The following KIF17 variants were observed in gnomAD, a reference collection of about 807,000 sequenced individuals.
KIF17 encodes the protein kinesin-like protein KIF17.
Under a neutral mutation model 96.8 loss-of-function variants are expected in KIF17, and 80 were observed. The observed-to-expected ratio is 0.83, with a 90% CI of 0.69 to 1.00. The LOEUF is 1.00. Ranked by LOEUF, KIF17 falls within the 50% of genes least tolerant of loss-of-function variation. The pLI is 0.00. For missense variants in KIF17, 1,280 were observed against 1,372.9 expected, an observed-to-expected ratio of 0.93 and a Z score of 1.07; for synonymous variants, 567 against 587.5, an observed-to-expected ratio of 0.97 and a Z score of 0.51.
rs768594043 is a variant in KIF17 at position 20,682,640 on chromosome 1, A to T, written c.2463+13T>A. On this transcript the variant is annotated intron_variant, in intron 11 of 14. Transcript: ENST00000400463. ...TGGGCAGCTGGGCATGGGGGGCTGCATCTGGGCCTCACCTTCCTCTGCATC... is the reference window on the plus strand; with the variant it reads ...TGGGCAGCTGGGCATGGGGGGCTGCTTCTGGGCCTCACCTTCCTCTGCATC... The T allele has an allele frequency of 1.2e-6, 2 of 1,612,884 alleles. No individual in the cohort carries two copies. The highest frequency in any genetic ancestry group is 3.3e-5 in the Admixed American group (2 of 60,016).
chr1:20,667,456 T>C (rs1423809083), intron 13 of KIF17, among the ~76,000 whole-genome samples: 1 of 152,196 alleles, frequency 6.6e-6, no homozygotes, highest in Non-Finnish European at 1.5e-5. Flanking sequence ...TATATTACAA[T>C]GTAATACTAA....
intron 6 of KIF17, among the ~76,000 whole-genome samples, chr1:20,696,937 G>A (rs2054152437): frequency 6.6e-6 from 1 of 152,234 alleles, no homozygotes; most frequent in South Asian, 2.1e-4. Context: ...AACGGCAGTG[G>A]AGGGAGAAAG....
chr1:20,703,178 A>AATGGATGGACGGATGG, intron 5 of KIF17, among the ~76,000 whole-genome samples: 1 of 135,894 alleles, frequency 7.4e-6, no homozygotes, highest in East Asian at 2.1e-4. Flanking sequence ...TGGATGGATG[A>AATGGATGGACGGATGG]ATGGATGGAC....
At chr1:20,670,590 G>T in intron 12 of KIF17, 102 bp from the exon 13 acceptor site, 1 of 1,069,406 alleles carries the variant, frequency 9.4e-7, no homozygotes, top group South Asian at 1.3e-5. Flanking sequence ...GGCTTAAACA[G>T]GGGAGGACAC....
Position 20,717,841 on chromosome 1 carries a change from G to T in KIF17, c.-135C>A, listed in dbSNP as rs2054612300. 5.0e-6 allele frequency: 4 copies of T among 802,258 alleles called. No homozygotes were observed. In the South Asian group the frequency reaches 1.9e-4, roughly 38 times the overall value. The allele number at this position is 802,258 out of a possible 1,614,324, so 49.7% of individuals were successfully genotyped here. A position where few individuals can be genotyped will look rare whatever the true frequency, so the allele number is the denominator to read the frequency against. ...TTGAGGCAGGGGCGGGGCCGCGGCGGGGGGCGGGGACCCCTCGGGGGGCGC... is the reference window on the plus strand; with the variant it reads ...TTGAGGCAGGGGCGGGGCCGCGGCGTGGGGCGGGGACCCCTCGGGGGGCGC... On this transcript the variant is annotated 5_prime_UTR_variant, in exon 1 of 15. Coordinates refer to ENST00000400463, the MANE Select transcript of KIF17 (RefSeq NM_001122819.3).
In KIF17 at chr1:20,698,481, C is replaced by G; in HGVS notation, c.1131G>C (p.Leu377=). 10 of 1,611,988 alleles carry G rather than the reference C, an allele frequency of 6.2e-6. No homozygotes were observed. Among genetic ancestry groups the G allele is most frequent in the Non-Finnish European group, 8.5e-6 (10 of 1,179,004 alleles). The stretch of plus-strand genomic sequence containing the variant: ...CAGGGTCTGGGGGCACCTGCCTGGA[C>G]AGCAGGGCTGGGGGAGAAACAGAAA... ...QMSPSSLSAL[L]SRQVPPDPVQ... is the part of the protein sequence containing the mutation. The change falls in exon 6 of 15, where the codon CTG becomes CTC. Residue 377 remains leucine (L), a synonymous_variant. Transcript: ENST00000400463.
At chr1:20,670,008 AGAC>A (rs1314792251) in intron 13 of KIF17, among the ~76,000 whole-genome samples, 7 of 143,204 alleles carry the variant, frequency 4.9e-5, no homozygotes, top group African/African-American at 1.0e-4. Context: ...AAAAAAAAAA[AGAC>A]AGAATATGAG....
Position 20,687,858 on chromosome 1 carries a change from A to G in KIF17, c.1468T>C (p.Phe490Leu), listed in dbSNP as rs191996405. ...FASSAEYPPA[F>L]QYETVVKPKV... ...GGTTTCACCACTGTCTCATACTGAA[A>G]AGCAGGCGGGTACTCAGCGCTGCTG... The change falls in exon 8 of 15, where the codon TTT becomes CTT. Residue 490 changes from phenylalanine (F) to leucine (L), a missense_variant. Transcript: ENST00000400463. This position sits in a 1 kb window ranked among gnomAD's most constrained non-coding sequence, Gnocchi z 4.4. 1.2e-6 allele frequency: 2 copies of G among 1,614,002 alleles called. 1 individual carries two copies. Among genetic ancestry groups the G allele is most frequent in the Non-Finnish European group, 1.7e-6 (2 of 1,180,014 alleles).
chr1:20,717,776 CCAAGGGGCGGGGCCAGCGCCGGCCA>C lies in KIF17; in HGVS notation c.-95_-71del. On this transcript the variant is annotated 5_prime_UTR_variant, in exon 1 of 15. Coordinates refer to ENST00000400463, the MANE Select transcript of KIF17 (RefSeq NM_001122819.3). ...CGCCGGGGACTCCCAGCAGCCCGGG[CCAAGGGGCGGGGCCAGCGCCGGCCA>C]CGGGGGGCGGGGCCTTGAGGCAGGG... is the stretch of plus-strand genomic sequence containing the variant. 1 of 1,449,304 alleles carries C rather than the reference CCAAGGGGCGGGGCCAGCGCCGGCCA, an allele frequency of 6.9e-7. No homozygotes were observed. The highest frequency in any genetic ancestry group is 2.9e-5 in the East Asian group (1 of 34,752). 89.8% of individuals were successfully genotyped at this position (1,449,304 alleles called of 1,614,324 possible).
intron 12 of KIF17, among the ~76,000 whole-genome samples, chr1:20,670,801 G>C (rs77940457): frequency 0.049 from 7,428 of 151,578 alleles, 229 homozygotes; most frequent in East Asian, 0.12. Context: ...GGTCTCAGCA[G>C]GGATGGTGTC....
Position 20,672,075 on chromosome 1 carries a change from T to C in KIF17, c.2585A>G (p.Glu862Gly). The C allele has an allele frequency of 6.2e-7, 1 of 1,614,202 alleles. No homozygotes were observed. The highest frequency in any genetic ancestry group is 8.5e-7 in the Non-Finnish European group (1 of 1,180,046). ...CCTGCGAATCAGGGGCTGCACCTGC[T>C]CCAGGAGCTGCTGCAAGAGCATGGA... ...RDSMLLQQLL[E>G]QVQPLIRRDC... Residue 862 changes from glutamate (E) to glycine (G), a missense_variant, in exon 12 of 15, where the codon GAG becomes GGG. Transcript: ENST00000400463. The surrounding 1 kb of genome is among the most constrained non-coding windows in gnomAD (Gnocchi z 4.3).
chr1:20,699,244 C>T lies in KIF17; in HGVS notation c.1124-756G>A, dbSNP rs370782057. Among the ~76,000 whole-genome samples, 6 of 152,118 alleles carry T rather than the reference C, an allele frequency of 3.9e-5. No homozygotes were observed. Among genetic ancestry groups the T allele is most frequent in the Admixed American group, 1.3e-4 (2 of 15,266 alleles). ...GATTACAGGGGTGAGCTGCCTTGCC[C>T]GGCCCAAGTTGCCATTTAAATAGTG... On this transcript the variant is annotated intron_variant, in intron 5 of 14. Transcript: ENST00000400463. This position sits in a 1 kb window ranked among gnomAD's most constrained non-coding sequence, Gnocchi z 4.3.
Position 20,685,128 on chromosome 1 carries a change from C to CTGA in KIF17, c.2020-109_2020-108insTCA, listed in dbSNP as rs2053915295. On this transcript the variant is annotated intron_variant, in intron 9 of 14. Coordinates refer to ENST00000400463, the MANE Select transcript of KIF17 (RefSeq NM_001122819.3). The surrounding 1 kb of genome is among the most constrained non-coding windows in gnomAD (Gnocchi z 4.1). ...CGGGGCCATTCCGCCTGCTGCAGCC[C>CTGA]CGACAGATCACCTCCAGCTCAGGGA... 4.8e-6 allele frequency: 4 copies of CTGA among 839,402 alleles called. No individual in the cohort carries two copies. In the East Asian group the frequency reaches 1.1e-4, roughly 23 times the overall value. The allele number at this position is 839,402 out of a possible 1,614,324, so 52.0% of individuals were successfully genotyped here.
At chr1:20,707,781 A>ATGTGTGTGTGTGTGTGTGTGTG (rs1436276510) in intron 4 of KIF17, among the ~76,000 whole-genome samples, 8 of 90,936 alleles carry the variant, frequency 8.8e-5, no homozygotes, top group African/African-American at 4.0e-4. Flanking sequence ...AAACAAACCA[A>ATGTGTGTGTGTGTGTGTGTGTG]TGTGTATGTG....
At position 20,664,140 on chromosome 1, in the gene KIF17, C is replaced by T; in HGVS notation, c.*444G>A. ...CCCTGTGCCACCCCATGGGGCAGGGCAGTGCTTAGGAAGTGGGGCCAGTCA... is the reference window on the plus strand; with the variant it reads ...CCCTGTGCCACCCCATGGGGCAGGGTAGTGCTTAGGAAGTGGGGCCAGTCA... On this transcript the variant is annotated 3_prime_UTR_variant, in exon 15 of 15. Transcript: ENST00000400463. The T allele has an allele frequency of 3.4e-6, 1 of 293,154 alleles. No homozygotes were observed. The highest frequency in any genetic ancestry group is 6.6e-6 in the Non-Finnish European group (1 of 151,262). 18.2% of individuals were successfully genotyped at this position (293,154 alleles called of 1,614,324 possible).
intron 7 of KIF17, 27 bp downstream of exon 7, chr1:20,690,161 C>T: frequency 6.2e-7 from 1 of 1,613,778 alleles, no homozygotes. Context: ...TCCCTGGAGA[C>T]AGCCTCGGGG....
At chr1:20,713,780 T>C (rs2054525416) in intron 2 of KIF17, among the ~76,000 whole-genome samples, 1 of 152,006 alleles carries the variant, frequency 6.6e-6, no homozygotes, top group Non-Finnish European at 1.5e-5. Flanking sequence ...TTGCATAATC[T>C]TCATATTGCT....
chr1:20,682,635 G>C lies in KIF17; in HGVS notation c.2463+18C>G. On this transcript the variant is annotated intron_variant, in intron 11 of 14. Transcript: ENST00000400463. ...ATCTCTGGGCAGCTGGGCATGGGGG[G>C]CTGCATCTGGGCCTCACCTTCCTCT... is the stretch of plus-strand genomic sequence containing the variant. 1.2e-6 allele frequency: 2 copies of C among 1,609,568 alleles called. No individual in the cohort carries two copies. The highest frequency in any genetic ancestry group is 1.7e-6 in the Non-Finnish European group (2 of 1,176,262).
At chr1:20,707,913 AATT>A (rs1387100208) in intron 4 of KIF17, among the ~76,000 whole-genome samples, 1 of 149,116 alleles carries the variant, frequency 6.7e-6, no homozygotes, top group Non-Finnish European at 1.5e-5. Flanking sequence ...AAATATAAAT[AATT>A]ATTAGATATT....
Sources: gnomAD v4.1 joint callset for allele counts (sites outside exome capture counted in the v4.1 genomes callset) on GRCh38, gnomAD v4.1.1 for gene constraint, Gnocchi (gnomAD v3.1) non-coding constraint, MANE v1.5 for transcripts, NCBI Gene and HGNC (gene_info 2026-07-23, HGNC 2026-07-21) for gene names.